Variants in PARVA observed in about 807,000 individuals in gnomAD.
PARVA encodes the protein parvin alpha, also known as alpha-parvin.
In PARVA, 25 loss-of-function variants were observed where a neutral mutation model predicts 52.6. The ratio of observed to expected loss-of-function variants is 0.48; its 90% CI spans 0.35 to 0.66. The LOEUF (loss-of-function observed/expected upper bound fraction) is 0.66. PARVA is among the 30% of genes least tolerant of loss of function. The probability of loss-of-function intolerance (pLI) is 0.01; values close to 1 mark genes in which losing one functional copy is unlikely to be tolerated. For synonymous variants in PARVA, 185 were observed against 179.1 expected (o/e 1.03, Z -0.26); for missense variants, 373 against 450.9 (o/e 0.83, Z 1.56).
intron 4 of PARVA, among the ~76,000 whole-genome samples, chr11:12,494,740 T>C (rs1941276576): frequency 6.6e-6 from 1 of 152,010 alleles, no homozygotes; most frequent in Non-Finnish European, 1.5e-5. Flanking sequence ...GCTGAAAATC[T>C]GTTCAATGCC....
At chr11:12,430,485 C>T (rs1940301356) in intron 1 of PARVA, among the ~76,000 whole-genome samples, 1 of 152,114 alleles carries the variant, frequency 6.6e-6, no homozygotes, top group Non-Finnish European at 1.5e-5. Flanking sequence ...GTCACCTTGC[C>T]CCTCCTGGAC....
At chr11:12,516,314 A>T (rs1941566861) in intron 10 of PARVA, among the ~76,000 whole-genome samples, 1 of 152,140 alleles carries the variant, frequency 6.6e-6, no homozygotes, top group East Asian at 1.9e-4. Context: ...ACTCATAAAC[A>T]TTTGGTGGCC....
chr11:12,463,138 CTTAAA>C (rs1358772559), intron 1 of PARVA, among the ~76,000 whole-genome samples: 2 of 151,030 alleles, frequency 1.3e-5, no homozygotes, highest in Non-Finnish European at 2.9e-5. Context: ...TTATTAACAT[CTTAAA>C]TTAGTATGGT....
chr11:12,514,267 C>T (rs1941541262), intron 10 of PARVA, among the ~76,000 whole-genome samples: 1 of 152,204 alleles, frequency 6.6e-6, no homozygotes, highest in African/African-American at 2.4e-5. Flanking sequence ...AATGAATACT[C>T]ATATACCCTT....
chr11:12,445,761 T>C (rs1318934441), intron 1 of PARVA, among the ~76,000 whole-genome samples: 2 of 152,092 alleles, frequency 1.3e-5, no homozygotes, highest in African/African-American at 2.4e-5. Context: ...TCCATACATA[T>C]GGGGGCCATA....
rs371911267 is a variant in PARVA at position 12,489,578 on chromosome 11, TAATG to T, written c.401-6874_401-6871del. Among the ~76,000 whole-genome samples, 369 of 152,180 alleles carry T rather than the reference TAATG, an allele frequency of 2.4e-3. 2 individuals carry two copies. The highest frequency in any genetic ancestry group is 4.5e-3 in the Non-Finnish European group (304 of 67,992). On this transcript the variant is annotated intron_variant, in intron 4 of 12. Transcript: ENST00000334956. ...GTATAGTAAATATTTAAAGAAAACA[TAATG>T]AATGAGAATTTTCTAGAATTGATGA...
intron 1 of PARVA, among the ~76,000 whole-genome samples, chr11:12,400,924 T>C (rs1565327846): frequency 6.6e-6 from 1 of 152,162 alleles, no homozygotes; most frequent in South Asian, 2.1e-4. Context: ...AGGAGCAACA[T>C]AGGCAGTTGG....
At chr11:12,412,782 T>C (rs1209066076) in intron 1 of PARVA, among the ~76,000 whole-genome samples, 1 of 152,228 alleles carries the variant, frequency 6.6e-6, no homozygotes, top group Non-Finnish European at 1.5e-5. Flanking sequence ...GACCTTTACT[T>C]CATTCAGACT....
intron 1 of PARVA, among the ~76,000 whole-genome samples, chr11:12,425,614 C>G (rs889579447): frequency 5.3e-5 from 8 of 152,140 alleles, no homozygotes; most frequent in African/African-American, 1.9e-4. Flanking sequence ...CTTAAGTGTG[C>G]CTTCATCTTG....
At chr11:12,376,992 G>C (rs905995974), upstream of PARVA, among the ~76,000 whole-genome samples, 3 of 152,218 alleles carry the variant, frequency 2.0e-5, no homozygotes, top group Admixed American at 1.3e-4. Flanking sequence ...AGAAGCCTCG[G>C]CTTTACCCTT....
At chr11:12,473,881 G>T in intron 2 of PARVA, 32 bp from the exon 3 acceptor site, 1 of 1,563,378 alleles carries the variant, frequency 6.4e-7, no homozygotes, top group Non-Finnish European at 8.7e-7. Context: ...TCCCATGCCA[G>T]CACCCCCACT....
At chr11:12,454,827 TAAA>T (rs1271518548) in intron 1 of PARVA, among the ~76,000 whole-genome samples, 2 of 152,196 alleles carry the variant, frequency 1.3e-5, no homozygotes, top group African/African-American at 4.8e-5. Context: ...GGATCCTTTT[TAAA>T]AAACACAACT....
At chr11:12,513,184 TC>T in intron 8 of PARVA, 114 bp from the exon 9 acceptor site, 1 of 834,244 alleles carries the variant, frequency 1.2e-6, no homozygotes. Context: ...CCCAGAGGCT[TC>T]CCATCGGTAG....
At chr11:12,501,427 C>T (rs1481412649) in intron 5 of PARVA, among the ~76,000 whole-genome samples, 2 of 152,034 alleles carry the variant, frequency 1.3e-5, no homozygotes, top group Non-Finnish European at 2.9e-5. Flanking sequence ...GGTTATTCAA[C>T]TATGGTTGGT....
At position 12,492,121 on chromosome 11, in the gene PARVA, G is replaced by A. The variant is rs191191886; in HGVS notation, c.401-4337G>A. Among the ~76,000 whole-genome samples the A allele has an allele frequency of 3.5e-3, 535 of 152,320 alleles. 1 individual carries two copies. Among genetic ancestry groups the A allele is most frequent in the African/African-American group, 0.012 (513 of 41,586 alleles). ...ATAGTGTGGTATATATGACAATTGT[G>A]TTTGTTAGAACATCTCAGTTCTCCC... On this transcript the variant is annotated intron_variant, in intron 4 of 12. Coordinates refer to ENST00000334956, the MANE Select transcript of PARVA (RefSeq NM_018222.5).
rs112665396 is a variant in PARVA at position 12,493,033 on chromosome 11, A to G, written c.401-3425A>G. On this transcript the variant is annotated intron_variant, in intron 4 of 12. Coordinates refer to ENST00000334956, the MANE Select transcript of PARVA (RefSeq NM_018222.5). ...GGAAAAAAGCCAATAGCAAAAATAT[A>G]TATATACTATAATCTCATTTTCATT... Among the ~76,000 whole-genome samples the G allele has an allele frequency of 1.7e-3, 265 of 152,302 alleles. 1 individual carries two copies. Among genetic ancestry groups the G allele is most frequent in the African/African-American group, 6.1e-3 (252 of 41,576 alleles).
At chr11:12,511,416 G>T in intron 7 of PARVA, 98 bp from the exon 8 acceptor site, 2 of 1,313,480 alleles carry the variant, frequency 1.5e-6, no homozygotes, top group South Asian at 2.5e-5. Context: ...GCAGCATGGG[G>T]TGGGCTTCCA....
At position 12,377,826 on chromosome 11, in the gene PARVA, G is replaced by C. The variant is rs1201045325; in HGVS notation, c.136+43G>C. 4.2e-6 allele frequency: 6 copies of C among 1,433,386 alleles called. No individual in the cohort carries two copies. The African/African-American group carries it at 9.1e-5, about 22-fold the overall frequency. The allele number at this position is 1,433,386 out of a possible 1,614,324, so 88.8% of individuals were successfully genotyped here. ...GGCCGGGCGGGCGGTAGGAGCCGGGGGTGCCGTAGGGGCCGAGGGGCCGGG... is the reference window on the plus strand; with the variant it reads ...GGCCGGGCGGGCGGTAGGAGCCGGGCGTGCCGTAGGGGCCGAGGGGCCGGG... On this transcript the variant is annotated intron_variant, in intron 1 of 12. Transcript: ENST00000334956.
At chr11:12,386,728 CATT>C (rs1157153731) in intron 1 of PARVA, among the ~76,000 whole-genome samples, 2 of 152,220 alleles carry the variant, frequency 1.3e-5, no homozygotes, top group Non-Finnish European at 2.9e-5. Flanking sequence ...CCATTTCTAA[CATT>C]AAAAGATTAG....
Sources: allele counts gnomAD v4.1 joint callset (sites outside exome capture counted in the v4.1 genomes callset), GRCh38; gene constraint gnomAD v4.1.1; transcripts MANE v1.5; gene names NCBI Gene and HGNC (gene_info 2026-07-23, HGNC 2026-07-21).